The following TIMELESS variants were observed in gnomAD, a reference collection of about 807,000 sequenced individuals.
TIMELESS encodes timeless circadian regulator.
TIMELESS carries 124 observed loss-of-function variants against 164.3 expected under a neutral mutation model. The ratio of observed to expected loss-of-function variants is 0.75; its 90% confidence interval spans 0.65 to 0.88. The LOEUF (loss-of-function observed/expected upper bound fraction) is 0.88. Among genes scored for constraint, TIMELESS ranks in the 40% least tolerant of loss-of-function variants. The pLI, the probability that TIMELESS is intolerant of heterozygous loss-of-function variation, is 0.00. For missense variants in TIMELESS, 1,422 were observed against 1,491.4 expected (o/e 0.95, Z 0.77); for synonymous variants, 564 against 563.4 (o/e 1.00, Z -0.02).
chr12:56,428,137 T>C, intron 13 of TIMELESS, 99 bp downstream of exon 13: 9 of 1,236,094 alleles, frequency 7.3e-6, no homozygotes, highest in Non-Finnish European at 8.9e-6. Context: ...AGAGCACGTT[T>C]AACAGATGAA....
At chr12:56,436,878 T>C (rs900119908) in intron 1 of TIMELESS, among the ~76,000 whole-genome samples, 1 of 152,190 alleles carries the variant, frequency 6.6e-6, no homozygotes, top group African/African-American at 2.4e-5. Context: ...GTTTTGCTCA[T>C]TGCTGCATTC....
At chr12:56,422,260 C>G (rs1881523186) in intron 19 of TIMELESS, 69 bp from the exon 20 acceptor site, 1 of 1,395,328 alleles carries the variant, frequency 7.2e-7, no homozygotes, top group East Asian at 2.3e-5. Flanking sequence ...AAGGCCTTCT[C>G]TGATCAGTTC....
chr12:56,421,310 G>A (rs1302015193), intron 23 of TIMELESS, 41 bp downstream of exon 23: 1 of 1,603,846 alleles, frequency 6.2e-7, no homozygotes, highest in Non-Finnish European at 8.5e-7. Context: ...CACTTCAAGG[G>A]AAGTGAGCCC....
intron 26 of TIMELESS, among the ~76,000 whole-genome samples, chr12:56,420,150 G>A (rs2136131409): frequency 6.9e-6 from 1 of 143,972 alleles, no homozygotes; most frequent in East Asian, 2.1e-4. Flanking sequence ...CATTTACATT[G>A]TATAGGTATT....
Position 56,421,809 on chromosome 12 carries a change from C to T in TIMELESS, c.2643G>A (p.Arg881=). The change falls in exon 22 of 29, where the codon AGG becomes AGA. Residue 881 remains arginine, a splice_region_variant and synonymous_variant. Transcript: ENST00000553532. ...GLADSVKDFQ[R]KGTHIVLWTG... ...TCCACAGTACAATATGGGTTCCTTT[C>T]CTGATTAGGAAGGTGTCAGTGGAAG... is the stretch of plus-strand genomic sequence containing the variant. 6 of 1,614,172 alleles carry T rather than the reference C, an allele frequency of 3.7e-6. No homozygotes were observed. The highest frequency in any genetic ancestry group is 5.1e-6 in the Non-Finnish European group (6 of 1,180,030).
Position 56,428,391 on chromosome 12 carries a change from C to A in TIMELESS, c.1423G>T (p.Val475Leu), listed in dbSNP as rs1342061707. Residue 475 changes from valine to leucine, a missense_variant, in exon 13 of 29, where the codon GTG becomes TTG. Physicochemically the swap from Val to Leu is conservative, Grantham distance 32. Transcript: ENST00000553532. ...AGGAATAGTTCTCGGTACTCCATCA[C>A]ATAGAAAATATTGTCTAGGAATGGG... ...SRIIKNNIFYVMEYRELFLAL... is the reference protein window; with the variant it reads ...SRIIKNNIFYLMEYRELFLAL... 1 of 1,609,384 alleles carries A rather than the reference C, an allele frequency of 6.2e-7. No individual in the cohort carries two copies. Among genetic ancestry groups the A allele is most frequent in the East Asian group, 2.2e-5 (1 of 44,760 alleles).
chr12:56,444,241 C>T (rs961610703), intron 1 of TIMELESS, among the ~76,000 whole-genome samples: 1 of 152,014 alleles, frequency 6.6e-6, no homozygotes, highest in Non-Finnish European at 1.5e-5. Context: ...TCCCAAAGAA[C>T]CACTATTCCT....
chr12:56,429,621 G>C, intron 10 of TIMELESS, among the ~76,000 whole-genome samples: 1 of 148,670 alleles, frequency 6.7e-6, no homozygotes, highest in Non-Finnish European at 1.5e-5. Flanking sequence ...CCTGCCTCAG[G>C]CTCCTGAGTA....
At chr12:56,448,424 A>T (rs983248662) in intron 1 of TIMELESS, among the ~76,000 whole-genome samples, 1 of 134,844 alleles carries the variant, frequency 7.4e-6, no homozygotes, top group African/African-American at 2.8e-5. Flanking sequence ...AACAAAACAA[A>T]ACAACCAAAA....
chr12:56,449,089 A>G (rs1008321276), intron 1 of TIMELESS, among the ~76,000 whole-genome samples: 1 of 152,226 alleles, frequency 6.6e-6, no homozygotes. Context: ...TGTGCGGAGC[A>G]GCGTAGGGCT....
Position 56,420,866 on chromosome 12 carries a change from A to G in TIMELESS, c.3056T>C (p.Leu1019Pro). Residue 1019 changes from leucine (L) to proline (P), a missense_variant, in exon 25 of 29, where the codon CTC (leucine) becomes CCC (proline). Physicochemically the swap from Leu to Pro is moderately conservative, Grantham distance 98. Coordinates refer to ENST00000553532, the MANE Select transcript of TIMELESS (RefSeq NM_003920.5). The stretch of plus-strand genomic sequence containing the variant: ...GATCAGGCAGTTCTGGAGCCATAGG[A>G]GCGGGATAGAAAAGCCTAAGGAAAT... ...SLHQEGFSIPLLWLQNCLIRA... is the reference protein window; with the variant it reads ...SLHQEGFSIPPLWLQNCLIRA... 1 of 1,614,092 alleles carries G rather than the reference A, an allele frequency of 6.2e-7. No homozygotes were observed. Among genetic ancestry groups the G allele is most frequent in the East Asian group, 2.2e-5 (1 of 44,868 alleles).
intron 1 of TIMELESS, among the ~76,000 whole-genome samples, chr12:56,438,954 C>T (rs1025056020): frequency 1.3e-5 from 2 of 150,356 alleles, no homozygotes; most frequent in Non-Finnish European, 3.0e-5. Context: ...ACCCTGAGGT[C>T]AGGAGTTGAG....
Position 56,421,075 on chromosome 12 carries a change from GT to G in TIMELESS, c.2927del (p.Asn976ThrfsTer24), listed in dbSNP as rs1278672000. On this transcript the variant is annotated frameshift_variant, in exon 24 of 29. Transcript: ENST00000553532. LOFTEE classifies it high-confidence loss of function. ...CCTCTTCGCTGTCTTCCTCAGGCAG[GT>G]TTTCCTCTTCTTCCAGATCTTCCTG... ...FCQEDLEEEE[N>X]LPEEDSEEEE... 6.2e-7 allele frequency: 1 copy of G among 1,614,102 alleles called. No homozygotes were observed. Among genetic ancestry groups the G allele is most frequent in the Non-Finnish European group, 8.5e-7 (1 of 1,180,032 alleles).
intron 23 of TIMELESS, 100 bp from the exon 24 acceptor site, chr12:56,421,234 C>G: frequency 3.2e-6 from 5 of 1,585,874 alleles, no homozygotes; most frequent in Non-Finnish European, 3.4e-6. Context: ...CGCGCCTGCT[C>G]TCTCGGAAGG....
chr12:56,441,212 G>C (rs1046017576), intron 1 of TIMELESS, among the ~76,000 whole-genome samples: 1 of 152,196 alleles, frequency 6.6e-6, no homozygotes, highest in Non-Finnish European at 1.5e-5. Flanking sequence ...TTTTACAGAA[G>C]TGCTTTTAGA....
Position 56,422,161 on chromosome 12 carries a change from G to C in TIMELESS, c.2469C>G (p.Ser823Arg). ...RSSSRRAPTW[S>R]PEEEAHLREL... ...CCCGAAGATGAGCCTCTTCTTCGGG[G>C]CTCCATGTAGGTGCTCTGCGACTGG... Residue 823 changes from serine to arginine, a missense_variant, in exon 20 of 29, where the codon AGC becomes AGG. Ser to Arg is a moderately radical substitution (Grantham distance 110). Transcript: ENST00000553532. 1 of 1,614,118 alleles carries C rather than the reference G, an allele frequency of 6.2e-7. No homozygotes were observed. Among genetic ancestry groups the C allele is most frequent in the African/African-American group, 1.3e-5 (1 of 75,038 alleles).
In TIMELESS at chr12:56,417,302, A is replaced by C; in HGVS notation, c.*414T>G. The C allele has an allele frequency of 5.3e-6, 1 of 189,744 alleles. No homozygotes were observed. Among genetic ancestry groups the C allele is most frequent in the South Asian group, 1.1e-4 (1 of 8,918 alleles). 11.8% of individuals were successfully genotyped at this position (189,744 alleles called of 1,614,324 possible). ...TCTGGTATCTTCTAAAAGTGGTACA[A>C]AACTCCCGCCTGTCATGTCATAAAG... On this transcript the variant is annotated 3_prime_UTR_variant, in exon 29 of 29. Transcript: ENST00000553532.
Position 56,433,629 on chromosome 12 carries a change from G to A in TIMELESS, c.275C>T (p.Pro92Leu). ...VIRLMVNLTQ[P>L]ALLCFGNLPK... ...CAGATTGCCAAAACAGAGCAAGGCT[G>A]GTTGTGTCAAGTTCACCATCAGTCT... Residue 92 changes from proline (P) to leucine (L), a missense_variant, in exon 4 of 29, where the codon CCA (proline) becomes CTA (leucine). Transcript: ENST00000553532. The A allele has an allele frequency of 6.2e-7, 1 of 1,614,166 alleles. No individual in the cohort carries two copies.
chr12:56,444,148 G>A (rs997010819), intron 1 of TIMELESS, among the ~76,000 whole-genome samples: 18 of 151,940 alleles, frequency 1.2e-4, no homozygotes, highest in Non-Finnish European at 2.5e-4. Flanking sequence ...CACCTGCCTC[G>A]GCCTCCCAAA....
Sources: allele counts gnomAD v4.1 joint callset (sites outside exome capture counted in the v4.1 genomes callset), GRCh38; gene constraint gnomAD v4.1.1; transcripts MANE v1.5; gene names NCBI Gene and HGNC (gene_info 2026-07-23, HGNC 2026-07-21).